The following TMEM44 variants were observed in gnomAD, a reference collection of about 807,000 sequenced individuals.
The protein encoded by TMEM44 is transmembrane protein 44.
TMEM44 carries 43 observed loss-of-function variants against 47.8 expected under a neutral mutation model. The observed-to-expected ratio is 0.90, with a 90% confidence interval of 0.70 to 1.16. The LOEUF (loss-of-function observed/expected upper bound fraction) is 1.16, where lower values mean the gene tolerates loss of function less well. TMEM44 is among the 50% of genes most tolerant of loss of function. TMEM44 has a pLI of 0.00. For missense variants in TMEM44, 568 were observed against 555.2 expected (o/e 1.02, Z -0.23); for synonymous variants, 277 against 238.8 (o/e 1.16, Z -1.48).
At chr3:194,594,900 A>G (rs752823521) in intron 9 of TMEM44, among the ~76,000 whole-genome samples, 5 of 152,070 alleles carry the variant, frequency 3.3e-5, no homozygotes, top group Non-Finnish European at 5.9e-5. Flanking sequence ...TAGTGGGAAT[A>G]GTCAGTATTT....
At chr3:194,592,244 T>C (rs954366293) in intron 9 of TMEM44, among the ~76,000 whole-genome samples, 10 of 133,748 alleles carry the variant, frequency 7.5e-5, no homozygotes, top group Admixed American at 2.3e-4. Context: ...AAAAAAAAAA[T>C]CATTGCTGGA....
intron 2 of TMEM44, among the ~76,000 whole-genome samples, chr3:194,627,736 G>A (rs1717328749): frequency 6.6e-6 from 1 of 152,198 alleles, no homozygotes; most frequent in Non-Finnish European, 1.5e-5. Flanking sequence ...CTAGCACATT[G>A]GGAGGCTGAG....
At chr3:194,614,466 G>A (rs1329534637) in intron 7 of TMEM44, among the ~76,000 whole-genome samples, 1 of 152,158 alleles carries the variant, frequency 6.6e-6, no homozygotes, top group Non-Finnish European at 1.5e-5. Context: ...GTGCGGTGGC[G>A]CCATCTTGGC....
intron 5 of TMEM44, chr3:194,617,629 T>C (rs993113980): frequency 2.8e-6 from 2 of 703,146 alleles, no homozygotes; most frequent in Non-Finnish European, 5.2e-6. Flanking sequence ...TGGGCAGGGG[T>C]CCTCACCATC....
intron 8 of TMEM44, among the ~76,000 whole-genome samples, chr3:194,610,087 C>G (rs959912562): frequency 6.6e-6 from 1 of 151,844 alleles, no homozygotes; most frequent in Non-Finnish European, 1.5e-5. Flanking sequence ...ATTAGCTGGG[C>G]GTGGTGGCAG....
intron 9 of TMEM44, 74 bp from the exon 10 acceptor site, chr3:194,588,713 A>C (rs1712177406): frequency 2.8e-6 from 4 of 1,404,046 alleles, no homozygotes; most frequent in African/African-American, 1.4e-5. Flanking sequence ...CCCCTGACCC[A>C]AACAAAAGCT....
Position 194,588,432 on chromosome 3 carries a change from G to A in TMEM44, c.*97C>T. Reference sequence around the variant, plus strand: ...TTCCTCACTTGCCAGGGCAGCTTCAGTTCCTGCCGCGGTGTCAGTGCAGAT... The same window carrying A: ...TTCCTCACTTGCCAGGGCAGCTTCAATTCCTGCCGCGGTGTCAGTGCAGAT... On this transcript the variant is annotated 3_prime_UTR_variant, in exon 10 of 10. Coordinates refer to ENST00000347147, the MANE Select transcript of TMEM44 (RefSeq NM_001011655.3). 1 of 1,093,944 alleles carries A rather than the reference G, an allele frequency of 9.1e-7. No homozygotes were observed. The highest frequency in any genetic ancestry group is 1.4e-5 in the South Asian group (1 of 71,244). 67.8% of individuals were successfully genotyped at this position (1,093,944 alleles called of 1,614,324 possible).
chr3:194,589,808 C>T (rs1712391993), intron 9 of TMEM44: 1 of 152,084 alleles, frequency 6.6e-6, no homozygotes, highest in African/African-American at 2.4e-5. Context: ...GGATTGGGCT[C>T]CAGTTCTCCT....
At chr3:194,616,387 T>C in intron 6 of TMEM44, 1 of 339,622 alleles carries the variant, frequency 2.9e-6, no homozygotes, top group Non-Finnish European at 5.8e-6. Flanking sequence ...GGGTCCTTGC[T>C]GATACAATTA....
At chr3:194,603,293 C>T (rs1355908556) in intron 9 of TMEM44, among the ~76,000 whole-genome samples, 1 of 152,234 alleles carries the variant, frequency 6.6e-6, no homozygotes, top group African/African-American at 2.4e-5. Flanking sequence ...AGCCGTGGTG[C>T]CCACGACAGG....
chr3:194,619,090 C>A (rs376364781), intron 5 of TMEM44, among the ~76,000 whole-genome samples: 1 of 152,366 alleles, frequency 6.6e-6, no homozygotes, highest in East Asian at 1.9e-4. Flanking sequence ...AGGACACTGA[C>A]GGCCAGAGTG....
At chr3:194,630,433 G>A (rs527954786) in intron 1 of TMEM44, among the ~76,000 whole-genome samples, 50 of 89,278 alleles carry the variant, frequency 5.6e-4, no homozygotes, top group African/African-American at 2.5e-3. Context: ...ATACGCTGTC[G>A]TACTGCCTCC....
chr3:194,614,564 C>T (rs947087066), intron 7 of TMEM44, among the ~76,000 whole-genome samples: 11 of 152,060 alleles, frequency 7.2e-5, no homozygotes, highest in African/African-American at 2.4e-4. Context: ...CCACCATACC[C>T]GGCCAATTTT....
intron 3 of TMEM44, among the ~76,000 whole-genome samples, 157 bp downstream of exon 3, chr3:194,625,739 CA>C (rs1403403898): frequency 6.6e-6 from 1 of 152,222 alleles, no homozygotes. Context: ...CTCAGCCTCC[CA>C]AAGTGCTGGG....
At position 194,588,397 on chromosome 3, in the gene TMEM44, C is replaced by G; in HGVS notation, c.*132G>C. ...GATGTAGCCCAGCCACACTCAGTGA[C>G]GGCTCCTGGTTCCTCACTTGCCAGG... On this transcript the variant is annotated 3_prime_UTR_variant, in exon 10 of 10. Coordinates refer to ENST00000347147, the MANE Select transcript of TMEM44 (RefSeq NM_001011655.3). The G allele has an allele frequency of 1.4e-6, 1 of 728,204 alleles. No individual in the cohort carries two copies. The highest frequency in any genetic ancestry group is 2.3e-6 in the Non-Finnish European group (1 of 436,844). The allele number at this position is 728,204 out of a possible 1,614,324, so 45.1% of individuals were successfully genotyped here.
At chr3:194,621,418 C>T (rs1348826680) in intron 5 of TMEM44, among the ~76,000 whole-genome samples, 4 of 152,184 alleles carry the variant, frequency 2.6e-5, no homozygotes, top group Non-Finnish European at 4.4e-5. Flanking sequence ...CTACTACCGG[C>T]GGTCAGGGCA....
chr3:194,613,718 T>C (rs1169509772), intron 7 of TMEM44, among the ~76,000 whole-genome samples: 1 of 150,974 alleles, frequency 6.6e-6, no homozygotes, highest in Admixed American at 6.6e-5. Context: ...GGTCTCGAAC[T>C]CCTGACCTCA....
chr3:194,595,532 A>G (rs968829437), intron 9 of TMEM44, among the ~76,000 whole-genome samples: 1 of 152,082 alleles, frequency 6.6e-6, no homozygotes, highest in East Asian at 1.9e-4. Flanking sequence ...TGACATCTCC[A>G]CAGTCTTGGG....
chr3:194,603,723 T>C (rs1032494693), intron 9 of TMEM44, among the ~76,000 whole-genome samples: 3 of 152,162 alleles, frequency 2.0e-5, no homozygotes, highest in African/African-American at 7.2e-5. Flanking sequence ...AAAAATGTAT[T>C]GTTCATTCAT....
Sources: gnomAD v4.1 joint callset for allele counts (sites outside exome capture counted in the v4.1 genomes callset) on GRCh38, gnomAD v4.1.1 for gene constraint, MANE v1.5 for transcripts, NCBI Gene and HGNC (gene_info 2026-07-23, HGNC 2026-07-21) for gene names.